The following NKX2-5 variants were observed in gnomAD, a reference collection of about 807,000 sequenced individuals.
NKX2-5 encodes the protein homeobox protein Nkx-2.5.
In NKX2-5, 3 loss-of-function variants were observed where a neutral mutation model predicts 24.5. The ratio of observed to expected loss-of-function variants is 0.12; its 90% CI spans 0.06 to 0.32. The LOEUF is 0.32. Among genes scored for constraint, NKX2-5 ranks in the 10% least tolerant of loss-of-function variants. The probability of loss-of-function intolerance (pLI) is 1.00; values close to 1 mark genes in which losing one functional copy is unlikely to be tolerated. For missense variants in NKX2-5, 429 were observed against 452.4 expected, an observed-to-expected ratio of 0.95 and a Z score of 0.47; for synonymous variants, 215 against 217.6, an observed-to-expected ratio of 0.99 and a Z score of 0.11.
chr5:173,232,830 C>A lies in NKX2-5; in HGVS notation c.714G>T (p.Ala238=). Reference sequence around the variant, plus strand: ...GATTGAGGCCCACGCCGTAGGCAGGCGCGTAGGGCGCCGAGTCCCCTAGGC... The same window carrying A: ...GATTGAGGCCCACGCCGTAGGCAGGAGCGTAGGGCGCCGAGTCCCCTAGGC... ...KPCLGDSAPY[A]PAYGVGLNPY... is the part of the protein sequence containing the mutation. Residue 238 remains alanine, a synonymous_variant, in exon 2 of 2, where the codon GCG becomes GCT. Transcript: ENST00000329198. The surrounding 1 kb of genome is among the most constrained non-coding windows in gnomAD (Gnocchi z 5.9). The A allele has an allele frequency of 6.2e-7, 1 of 1,611,904 alleles. No individual in the cohort carries two copies. Among genetic ancestry groups the A allele is most frequent in the African/African-American group, 1.3e-5 (1 of 75,040 alleles).
At chr5:173,233,510 A>AT (rs1241887920) in intron 1 of NKX2-5, 2 of 888,610 alleles carry the variant, frequency 2.3e-6, no homozygotes, top group African/African-American at 1.8e-5. Context: ...GGCTGCAAAA[A>AT]AAAAAAAAAT....
Position 173,234,892 on chromosome 5 carries a change from C to A in NKX2-5, c.192G>T (p.Pro64=). The change falls in exon 1 of 2, where the codon CCG becomes CCT. Residue 64 remains proline, a synonymous_variant. Coordinates refer to ENST00000329198, the MANE Select transcript of NKX2-5 (RefSeq NM_004387.4). The part of the protein sequence containing the change: ...EAYAGPEAAA[P]GLPELRAELG... ...GCTCTGCGCGCAGCTCTGGGAGGCC[C>A]GGCGCAGCCGCCTCGGGCCCAGCGT... The A allele has an allele frequency of 1.9e-6, 3 of 1,606,524 alleles. No individual in the cohort carries two copies. Among genetic ancestry groups the A allele is most frequent in the Non-Finnish European group, 2.5e-6 (3 of 1,176,544 alleles).
At chr5:173,233,918 C>T (rs757431442) in intron 1 of NKX2-5, 53 of 1,183,394 alleles carry the variant, frequency 4.5e-5, no homozygotes, top group Non-Finnish European at 5.4e-5. Context: ...CTTCGCCCAG[C>T]GCCTGCGGCC....
rs1253659256 is a variant in NKX2-5, at chr5:173,232,764, G to T, written c.780C>A (p.Gly260=). ...YNAYPAYPGY[G]GAACSPGYSC... is the part of the protein sequence containing the mutation. ...TGTAGCCAGGGCTGCAGGCCGCGCC[G>T]CCGTAACCCGGATAGGCGGGGTAGG... Residue 260 remains glycine, a synonymous_variant, in exon 2 of 2, where the codon GGC becomes GGA. Transcript: ENST00000329198. This position sits in a 1 kb window ranked among gnomAD's most constrained non-coding sequence, Gnocchi z 5.9. 1.9e-6 allele frequency: 3 copies of T among 1,608,874 alleles called. No homozygotes were observed. Among genetic ancestry groups the T allele is most frequent in the East Asian group, 2.2e-5 (1 of 44,706 alleles).
At chr5:173,234,069 C>T (rs1761404391) in intron 1 of NKX2-5, 1 of 1,289,366 alleles carries the variant, frequency 7.8e-7, no homozygotes, top group Non-Finnish European at 1.0e-6. Context: ...TCCCTTGTGC[C>T]CGCGGTAGCG....
chr5:173,235,166 G>T lies in NKX2-5; in HGVS notation c.-83C>A. 7.3e-7 allele frequency: 1 copy of T among 1,361,702 alleles called. No homozygotes were observed. Among genetic ancestry groups the T allele is most frequent in the Non-Finnish European group, 9.9e-7 (1 of 1,008,404 alleles). The allele number at this position is 1,361,702 out of a possible 1,614,324, so 84.4% of individuals were successfully genotyped here. A position where few individuals can be genotyped will look rare whatever the true frequency, so the allele number is the denominator to read the frequency against. Reference sequence around the variant, plus strand: ...GCCCCTGGCAGCTTCCCTGCATGGTGCCGCCGCCCGCCCGCGCACCCGTCG... The same window carrying T: ...GCCCCTGGCAGCTTCCCTGCATGGTTCCGCCGCCCGCCCGCGCACCCGTCG... On this transcript the variant is annotated 5_prime_UTR_variant, in exon 1 of 2. Transcript: ENST00000329198.
intron 1 of NKX2-5, 106 bp downstream of exon 1, chr5:173,234,644 G>T: frequency 9.7e-7 from 1 of 1,030,152 alleles, no homozygotes; most frequent in Non-Finnish European, 1.3e-6. Context: ...CCCCGCCGCA[G>T]CCCAGCCCTC....
Position 173,235,157 on chromosome 5 carries a change from C to A in NKX2-5, c.-74G>T. 6.9e-7 allele frequency: 1 copy of A among 1,452,406 alleles called. No homozygotes were observed. Among genetic ancestry groups the A allele is most frequent in the Non-Finnish European group, 9.2e-7 (1 of 1,081,546 alleles). 90.0% of individuals were successfully genotyped at this position (1,452,406 alleles called of 1,614,324 possible). A position where few individuals can be genotyped will look rare whatever the true frequency, so the allele number is the denominator to read the frequency against. ...CTGCCCACGGCCCCTGGCAGCTTCC[C>A]TGCATGGTGCCGCCGCCCGCCCGCG... On this transcript the variant is annotated 5_prime_UTR_variant, in exon 1 of 2. It adds an upstream start codon to the 5' untranslated region. Transcript: ENST00000329198.
intron 1 of NKX2-5, chr5:173,233,810 G>A (rs1013638807): frequency 1.8e-5 from 18 of 982,352 alleles, no homozygotes; most frequent in Non-Finnish European, 2.2e-5. Context: ...GTAGCGATCA[G>A]TTCTAGCCGC....
chr5:173,233,110 A>G lies in NKX2-5; in HGVS notation c.434T>C (p.Phe145Ser), dbSNP rs72554027. ...ARRRRKPRVLFSQAQVYELER... is the reference protein window; with the variant it reads ...ARRRRKPRVLSSQAQVYELER... ...CAGCTCATAGACCTGCGCCTGCGAG[A>G]AGAGCACGCGCGGCTTCCTCCGCCG... Residue 145 changes from phenylalanine to serine, a missense_variant, in exon 2 of 2, where the codon TTC (phenylalanine) becomes TCC (serine). This residue lies in a region of NKX2-5 where 240 missense variants were observed against 240.4 expected (regional missense o/e 1.00). Transcript: ENST00000329198. 6.3e-7 allele frequency: 1 copy of G among 1,599,700 alleles called. No homozygotes were observed. The highest frequency in any genetic ancestry group is 8.5e-7 in the Non-Finnish European group (1 of 1,174,076).
In NKX2-5 at chr5:173,234,776, G is replaced by A; in HGVS notation, c.308C>T (p.Ala103Val). ...YPRAYSDPDP[A>V]KDPRAEKKEL... ...TTTCTTTTCGGCTCTAGGGTCCTTG[G>A]CTGGGTCGGGGTCGCTGTAGGCACG... The change falls in exon 1 of 2, where the codon GCC (alanine) becomes GTC (valine). Residue 103 changes from alanine (A) to valine (V), a missense_variant. This residue lies in a region of NKX2-5 where 240 missense variants were observed against 240.4 expected (regional missense o/e 1.00). Coordinates refer to ENST00000329198, the MANE Select transcript of NKX2-5 (RefSeq NM_004387.4). 1 of 1,564,448 alleles carries A rather than the reference G, an allele frequency of 6.4e-7. No individual in the cohort carries two copies. The highest frequency in any genetic ancestry group is 8.6e-7 in the Non-Finnish European group (1 of 1,158,184).
In NKX2-5 at chr5:173,232,840, G is replaced by A. The variant is rs749004208; in HGVS notation, c.704C>T (p.Ala235Val). The change falls in exon 2 of 2, where the codon GCG becomes GTG. Residue 235 changes from alanine to valine, a missense_variant. Physicochemically the swap from Ala to Val is moderately conservative, Grantham distance 64 (BLOSUM62 0). Transcript: ENST00000329198. The surrounding 1 kb of genome is among the most constrained non-coding windows in gnomAD (Gnocchi z 5.9). ...RDGKPCLGDS[A>V]PYAPAYGVGL... ...CACGCCGTAGGCAGGCGCGTAGGGC[G>A]CCGAGTCCCCTAGGCATGGCTTGCC... 5.0e-6 allele frequency: 8 copies of A among 1,611,792 alleles called. No homozygotes were observed. The Admixed American group carries it at 1.3e-4, about 27-fold the overall frequency.
intron 1 of NKX2-5, among the ~76,000 whole-genome samples, chr5:173,234,475 G>A (rs886107686): frequency 1.3e-5 from 2 of 152,208 alleles, no homozygotes; most frequent in African/African-American, 4.8e-5. Flanking sequence ...CCAGACCCAG[G>A]AGCAGAGCCG....
chr5:173,233,744 G>A, intron 1 of NKX2-5: 14 of 722,712 alleles, frequency 1.9e-5, no homozygotes, highest in Non-Finnish European at 2.4e-5. Context: ...CAGTGTCCAA[G>A]AAGCTGCGGG....
chr5:173,233,312 G>GTCC, intron 1 of NKX2-5, 103 bp from the exon 2 acceptor site: 9 of 1,539,866 alleles, frequency 5.8e-6, no homozygotes, highest in Non-Finnish European at 7.8e-6. Context: ...AGGCCACTGT[G>GTCC]TCCTGCCTGG....
rs703752 is a variant in NKX2-5 at position 173,232,508 on chromosome 5, C to G, written c.*61G>C. On this transcript the variant is annotated 3_prime_UTR_variant, in exon 2 of 2. Coordinates refer to ENST00000329198, the MANE Select transcript of NKX2-5 (RefSeq NM_004387.4). This position sits in a 1 kb window ranked among gnomAD's most constrained non-coding sequence, Gnocchi z 5.9. ...GTCATGTTGGGAGCCCCTTCTCCCC[C>G]CGAGAGTCAGGGAGCTGTTGAGGTG... 54 of 1,589,640 alleles carry G rather than the reference C, an allele frequency of 3.4e-5. No individual in the cohort carries two copies. Among genetic ancestry groups the G allele is most frequent in the African/African-American group, 2.4e-4 (18 of 74,948 alleles).
rs1483052303 is a variant in NKX2-5, at chr5:173,233,201, C to G, written c.343G>C (p.Ala115Pro). The G allele has an allele frequency of 2.5e-6, 4 of 1,600,128 alleles. No individual in the cohort carries two copies. The African/African-American group carries it at 4.0e-5, about 16-fold the overall frequency. The change falls in exon 2 of 2, where the codon GCG becomes CCG. Residue 115 changes from alanine (A) to proline (P), a missense_variant. Physicochemically the swap from Ala to Pro is conservative, Grantham distance 27. Transcript: ENST00000329198. ...DPRAEKKELC[A>P]LQKAVELEKT... ...TCCAGCTCCACCGCCTTCTGCAGCG[C>G]GCACAGCTCTGAGGGGGAACAGAGA... is the stretch of plus-strand genomic sequence containing the variant.
In NKX2-5 at chr5:173,234,310, C is replaced by T. The variant is rs539557545; in HGVS notation, c.334+440G>A. The T allele has an allele frequency of 7.4e-3, 7,308 of 985,362 alleles. 25 individuals are homozygous for T. Among genetic ancestry groups the T allele is most frequent in the South Asian group, 0.015 (321 of 21,284 alleles). 61.0% of individuals were successfully genotyped at this position (985,362 alleles called of 1,614,324 possible). A position where few individuals can be genotyped will look rare whatever the true frequency, so the allele number is the denominator to read the frequency against. Reference sequence around the variant, plus strand: ...GGTCCAGGACCCTCCTCCGATTGTACGCAAAAGCTGTCTGGTGAGCAACAT... The same window carrying T: ...GGTCCAGGACCCTCCTCCGATTGTATGCAAAAGCTGTCTGGTGAGCAACAT... On this transcript the variant is annotated intron_variant, in intron 1 of 1. Transcript: ENST00000329198.
rs373807012 is a variant in NKX2-5, at chr5:173,234,827, A to G, written c.257T>C (p.Phe86Ser). The change falls in exon 1 of 2, where the codon TTT (phenylalanine) becomes TCT (serine). Residue 86 changes from phenylalanine to serine, a missense_variant. This residue lies in a region of NKX2-5 where 240 missense variants were observed against 240.4 expected (regional missense o/e 1.00). Transcript: ENST00000329198. Reference protein sequence around the residue: ...APSPAKCASAFPAAPAFYPRA... With the variant: ...APSPAKCASASPAAPAFYPRA... Reference sequence around the variant, plus strand: ...TGGATAGAAGGCGGGGGCGGCGGGAAAGGCAGACGCACACTTGGCCGGTGA... The same window carrying G: ...TGGATAGAAGGCGGGGGCGGCGGGAGAGGCAGACGCACACTTGGCCGGTGA... 10 of 1,586,056 alleles carry G rather than the reference A, an allele frequency of 6.3e-6. No individual in the cohort carries two copies. In the East Asian group the frequency reaches 1.6e-4, roughly 25 times the overall value.
Sources: allele counts gnomAD v4.1 joint callset (sites outside exome capture counted in the v4.1 genomes callset), GRCh38; gene constraint gnomAD v4.1.1; regional missense constraint gnomAD v4.1.1; non-coding constraint Gnocchi (gnomAD v3.1); transcripts MANE v1.5; gene names NCBI Gene and HGNC (gene_info 2026-07-23, HGNC 2026-07-21).